ENTHD1: variants seen among roughly 807,000 people sequenced by gnomAD.
The protein encoded by ENTHD1 is ENTH domain-containing protein 1.
A neutral mutation model predicts 39.1 loss-of-function variants in ENTHD1; 23 were observed. That is an observed-to-expected ratio of 0.59 (90% CI 0.42 to 0.83). ENTHD1 has a LOEUF of 0.83. Ranked by LOEUF, ENTHD1 falls within the 40% of genes least tolerant of loss-of-function variation. ENTHD1 has a pLI of 0.00. For missense variants in ENTHD1, 624 were observed against 705.4 expected (o/e 0.88, Z 1.31); for synonymous variants, 230 against 258.2 (o/e 0.89, Z 1.05).
intron 5 of ENTHD1, among the ~76,000 whole-genome samples, chr22:39,774,874 C>G (rs1162523533): frequency 2.0e-5 from 3 of 152,110 alleles, no homozygotes; most frequent in Non-Finnish European, 2.9e-5. Context: ...TTTCAGCTTC[C>G]AGATTCACGT....
At chr22:39,780,002 G>T (rs941685823) in intron 5 of ENTHD1, among the ~76,000 whole-genome samples, 1 of 151,980 alleles carries the variant, frequency 6.6e-6, no homozygotes, top group Non-Finnish European at 1.5e-5. Context: ...TCACTTAACC[G>T]CAAAAGAAGA....
intron 6 of ENTHD1, among the ~76,000 whole-genome samples, chr22:39,762,925 T>A (rs1471459118): frequency 1.3e-5 from 2 of 152,310 alleles, no homozygotes; most frequent in African/African-American, 4.8e-5. Flanking sequence ...TTCTGGCCGT[T>A]TTTTCATATC....
intron 6 of ENTHD1, among the ~76,000 whole-genome samples, chr22:39,761,729 A>C (rs2065234401): frequency 6.6e-6 from 1 of 151,838 alleles, no homozygotes; most frequent in African/African-American, 2.4e-5. Flanking sequence ...CTTCCAGTAA[A>C]ATTTTCATTT....
At chr22:39,790,491 T>C (rs887738005) in intron 5 of ENTHD1, among the ~76,000 whole-genome samples, 4 of 152,192 alleles carry the variant, frequency 2.6e-5, no homozygotes, top group Admixed American at 2.0e-4. Context: ...AGACCTCTCA[T>C]ATCTTTCTGC....
At position 39,812,817 on chromosome 22, in the gene ENTHD1, C is replaced by G. The variant is rs570167451; in HGVS notation, c.832+8176G>C. 1.4e-4 allele frequency among the ~76,000 whole-genome samples: 21 copies of G among 152,304 alleles called. No homozygotes were observed. In the South Asian group the frequency reaches 2.1e-3, roughly 15 times the overall value. ...TTTTGTTTGAGATGGGAGTCTTGCT[C>G]TGTCGCCCAGGCTGCAGTGCAGTGG... On this transcript the variant is annotated intron_variant, in intron 5 of 6. Coordinates refer to ENST00000325157, the MANE Select transcript of ENTHD1 (RefSeq NM_152512.4).
Position 39,758,607 on chromosome 22 carries a change from G to A in ENTHD1, c.1219+6616C>T, listed in dbSNP as rs544167044. 1.0e-3 allele frequency among the ~76,000 whole-genome samples: 154 copies of A among 152,030 alleles called. 1 individual carries two copies. Among genetic ancestry groups the A allele is most frequent in the Non-Finnish European group, 1.7e-3 (118 of 67,974 alleles). On this transcript the variant is annotated intron_variant, in intron 6 of 6. Transcript: ENST00000325157. ...GCCTGGCTAATGTTTTAAATTTTTT[G>A]TAGAGACAGGGTCTCACTATGTTGA...
chr22:39,797,452 T>C (rs951939540), intron 5 of ENTHD1, among the ~76,000 whole-genome samples: 6 of 152,232 alleles, frequency 3.9e-5, no homozygotes, highest in Admixed American at 2.6e-4. Flanking sequence ...TCTCTCATTG[T>C]TTATCACTGT....
chr22:39,799,591 C>T (rs1255014285), intron 5 of ENTHD1, among the ~76,000 whole-genome samples: 1 of 152,242 alleles, frequency 6.6e-6, no homozygotes, highest in South Asian at 2.1e-4. Flanking sequence ...GGCCACCACA[C>T]ACGAGCTGAA....
intron 5 of ENTHD1, among the ~76,000 whole-genome samples, chr22:39,799,921 G>A (rs1411672909): frequency 1.3e-5 from 2 of 152,188 alleles, no homozygotes; most frequent in Non-Finnish European, 2.9e-5. Context: ...AGATGCAGGG[G>A]CTGTTAGGTC....
At chr22:39,881,924 T>G (rs1405162395) in intron 2 of ENTHD1, among the ~76,000 whole-genome samples, 1 of 152,196 alleles carries the variant, frequency 6.6e-6, no homozygotes, top group Non-Finnish European at 1.5e-5. Flanking sequence ...AGAAAGCCTT[T>G]TTTTCTATAG....
At chr22:39,852,737 A>G (rs1474099079) in intron 3 of ENTHD1, among the ~76,000 whole-genome samples, 3 of 152,358 alleles carry the variant, frequency 2.0e-5, no homozygotes, top group East Asian at 3.9e-4. Flanking sequence ...ATATCTAAAC[A>G]TAGAAAAGGT....
chr22:39,787,422 G>A (rs1233122530), intron 5 of ENTHD1, among the ~76,000 whole-genome samples: 2 of 152,194 alleles, frequency 1.3e-5, no homozygotes, highest in South Asian at 2.1e-4. Context: ...GCTTAGTGAG[G>A]AAGGCATATT....
intron 5 of ENTHD1, among the ~76,000 whole-genome samples, chr22:39,793,870 A>G (rs943802341): frequency 1.1e-4 from 16 of 152,110 alleles, no homozygotes; most frequent in African/African-American, 3.9e-4. Flanking sequence ...GCCTTGTAAT[A>G]TATTTTGAAG....
Position 39,845,980 on chromosome 22 carries a change from T to C in ENTHD1, c.593-10022A>G, listed in dbSNP as rs2065984892. On this transcript the variant is annotated intron_variant, in intron 3 of 6. Coordinates refer to ENST00000325157, the MANE Select transcript of ENTHD1 (RefSeq NM_152512.4). ...CTGACACAAAACCAGACATATAATCTGTTCCAATGGAACAGAACAGAGAGC... is the reference window on the plus strand; with the variant it reads ...CTGACACAAAACCAGACATATAATCCGTTCCAATGGAACAGAACAGAGAGC... 2.0e-5 allele frequency among the ~76,000 whole-genome samples: 3 copies of C among 152,064 alleles called. No individual in the cohort carries two copies. In the South Asian group the frequency reaches 6.2e-4, roughly 31 times the overall value.
intron 2 of ENTHD1, among the ~76,000 whole-genome samples, chr22:39,878,849 T>G (rs1226304613): frequency 6.6e-6 from 1 of 152,046 alleles, no homozygotes; most frequent in African/African-American, 2.4e-5. Flanking sequence ...CTTACACATA[T>G]GCTTATGTAT....
At chr22:39,790,482 G>C (rs539885414) in intron 5 of ENTHD1, among the ~76,000 whole-genome samples, 9 of 152,268 alleles carry the variant, frequency 5.9e-5, no homozygotes, top group African/African-American at 1.7e-4. Flanking sequence ...CTTCTTCTCA[G>C]ACCTCTCATA....
At chr22:39,769,290 G>A (rs2146565548) in intron 5 of ENTHD1, among the ~76,000 whole-genome samples, 1 of 152,290 alleles carries the variant, frequency 6.6e-6, no homozygotes, top group South Asian at 2.1e-4. Context: ...TTGGATGCAA[G>A]TAATTTGGCC....
intron 6 of ENTHD1, among the ~76,000 whole-genome samples, chr22:39,762,410 CA>C (rs1356269144): frequency 6.6e-6 from 1 of 151,698 alleles, no homozygotes; most frequent in African/African-American, 2.4e-5. Flanking sequence ...CTACAATTTT[CA>C]TTTGATTTTT....
At chr22:39,880,535 G>A (rs1352277092) in intron 2 of ENTHD1, among the ~76,000 whole-genome samples, 1 of 152,192 alleles carries the variant, frequency 6.6e-6, no homozygotes, top group East Asian at 1.9e-4. Flanking sequence ...TACCACTTTG[G>A]TTGGGGATGT....
Sources: allele counts gnomAD v4.1 joint callset (sites outside exome capture counted in the v4.1 genomes callset), GRCh38; gene constraint gnomAD v4.1.1; transcripts MANE v1.5; gene names NCBI Gene and HGNC (gene_info 2026-07-23, HGNC 2026-07-21).